Variants in ARHGAP32 observed in about 807,000 individuals in gnomAD.
ARHGAP32 encodes rho GTPase-activating protein 32.
Under a neutral mutation model 186.5 loss-of-function variants are expected in ARHGAP32, and 51 were observed. That is an observed-to-expected ratio of 0.27 (90% CI 0.22 to 0.35). The LOEUF (loss-of-function observed/expected upper bound fraction) is 0.35. ARHGAP32 is among the 10% of genes least tolerant of loss of function. The pLI, the probability that ARHGAP32 is intolerant of heterozygous loss-of-function variation, is 1.00. For synonymous variants in ARHGAP32, 950 were observed against 964.3 expected (o/e 0.99, Z 0.27); for missense variants, 2,186 against 2,623.5 (o/e 0.83, Z 3.64).
rs1944685254 is a variant in ARHGAP32, at chr11:129,219,368, A to AT, written c.-4-54942dup. On this transcript the variant is annotated intron_variant, in intron 1 of 6. Transcript: ENST00000525234. ...AAAAATGGTTATGAATTTACAAAGC[A>AT]TATCTTTTCCTTCCATTCTGTTTTA... 2.6e-5 allele frequency among the ~76,000 whole-genome samples: 4 copies of AT among 152,290 alleles called. No homozygotes were observed. The South Asian group carries it at 8.3e-4, about 32-fold the overall frequency.
intron 2 of ARHGAP32, among the ~76,000 whole-genome samples, chr11:129,162,184 T>C (rs1216417912): frequency 2.6e-5 from 4 of 151,982 alleles, no homozygotes; most frequent in Admixed American, 6.6e-5. Flanking sequence ...TTAGGAGAAA[T>C]ACCTAATGAA....
chr11:128,980,797 A>C, intron 17 of ARHGAP32, 49 bp from the exon 18 acceptor site: 1 of 1,385,030 alleles, frequency 7.2e-7, no homozygotes, highest in Non-Finnish European at 1.0e-6. Context: ...ACGTGAGTGT[A>C]TTCAATTTGT....
rs1455439279 is a variant in ARHGAP32 at position 129,180,916 on chromosome 11, C to G, written c.116+11167G>C. Among the ~76,000 whole-genome samples, 4 of 152,240 alleles carry G rather than the reference C, an allele frequency of 2.6e-5. No individual in the cohort carries two copies. The East Asian group carries it at 5.8e-4, about 22-fold the overall frequency. The stretch of plus-strand genomic sequence containing the variant: ...CCTCACTAAGAAATTATGTAAATAT[C>G]TGTCACATATTCACTTTATTTGTAT... On this transcript the variant is annotated intron_variant, in intron 1 of 22. Coordinates refer to ENST00000682385, the MANE Select transcript of ARHGAP32 (RefSeq NM_001378024.1).
chr11:129,051,757 C>G (rs1940051525), intron 10 of ARHGAP32, among the ~76,000 whole-genome samples: 1 of 151,650 alleles, frequency 6.6e-6, no homozygotes, highest in Non-Finnish European at 1.5e-5. Context: ...GAGATCGAGA[C>G]CATCCTGGCC....
intron 7 of ARHGAP32, among the ~76,000 whole-genome samples, chr11:129,065,347 C>T (rs978006716): frequency 3.9e-5 from 6 of 152,140 alleles, no homozygotes; most frequent in South Asian, 2.1e-4. Context: ...CATGTTCATA[C>T]GTGATCCTAT....
intron 5 of ARHGAP32, among the ~76,000 whole-genome samples, chr11:129,098,551 C>T (rs959888143): frequency 2.6e-5 from 4 of 151,976 alleles, no homozygotes; most frequent in Admixed American, 6.6e-5. Context: ...TCCTGAATAG[C>T]TGGGACTACA....
chr11:129,188,360 T>C (rs1394361091), intron 1 of ARHGAP32, among the ~76,000 whole-genome samples: 2 of 151,928 alleles, frequency 1.3e-5, no homozygotes, highest in East Asian at 3.9e-4. Flanking sequence ...ACAGGCAGAG[T>C]AATAAAAACA....
At chr11:129,107,141 G>A (rs1942069620) in intron 5 of ARHGAP32, among the ~76,000 whole-genome samples, 2 of 152,126 alleles carry the variant, frequency 1.3e-5, no homozygotes, top group Non-Finnish European at 2.9e-5. Flanking sequence ...GAGGCCAAAA[G>A]GTGGAGGGAT....
Position 128,981,431 on chromosome 11 carries a change from T to C in ARHGAP32, c.1765A>G (p.Met589Val), listed in dbSNP as rs1342868554. 1 of 1,606,708 alleles carries C rather than the reference T, an allele frequency of 6.2e-7. No individual in the cohort carries two copies. Among genetic ancestry groups the C allele is most frequent in the South Asian group, 1.1e-5 (1 of 90,468 alleles). The change falls in exon 17 of 23, where the codon ATG becomes GTG. Residue 589 changes from methionine (M) to valine (V), a missense_variant. Coordinates refer to ENST00000682385, the MANE Select transcript of ARHGAP32 (RefSeq NM_001378024.1). ...GGAGCCGTACCTGCCCCCTCTTGCA[T>C]GGCCATGCTGATTCTGCCGCTGAAC... ...VLFSGRISMA[M>V]QEGAASLSRP...
chr11:129,148,891 C>T (rs1380184519), intron 2 of ARHGAP32, among the ~76,000 whole-genome samples: 3 of 152,098 alleles, frequency 2.0e-5, no homozygotes, highest in African/African-American at 7.2e-5. Context: ...TGGAACATAA[C>T]CCCATTGGCC....
intron 1 of ARHGAP32, among the ~76,000 whole-genome samples, chr11:129,238,658 G>A (rs893092766): frequency 6.6e-6 from 1 of 152,030 alleles, no homozygotes; most frequent in Non-Finnish European, 1.5e-5. Flanking sequence ...TGGGAGGACT[G>A]CTTGATCCCA....
intron 1 of ARHGAP32, among the ~76,000 whole-genome samples, chr11:129,210,498 C>G (rs1008913090): frequency 2.6e-5 from 4 of 152,158 alleles, no homozygotes; most frequent in African/African-American, 9.7e-5. Flanking sequence ...TTTAGTTTAT[C>G]TTTGAACAAA....
chr11:129,060,590 C>A (rs1453231698), intron 10 of ARHGAP32, among the ~76,000 whole-genome samples: 4 of 152,022 alleles, frequency 2.6e-5, no homozygotes, highest in African/African-American at 9.7e-5. Context: ...TAATCAAAAG[C>A]ACTTATTCAT....
chr11:129,241,947 G>A (rs907672052), intron 1 of ARHGAP32, among the ~76,000 whole-genome samples: 8 of 152,178 alleles, frequency 5.3e-5, no homozygotes, highest in Non-Finnish European at 7.3e-5. Context: ...AATCCTGGTA[G>A]GGAGGAAGCT....
At chr11:129,153,024 A>C (rs1943322964) in intron 2 of ARHGAP32, among the ~76,000 whole-genome samples, 1 of 152,190 alleles carries the variant, frequency 6.6e-6, no homozygotes, top group Admixed American at 6.5e-5. Context: ...GATCTGATAA[A>C]TAGATTCAGT....
At chr11:128,997,346 C>T (rs1043477343) in intron 12 of ARHGAP32, among the ~76,000 whole-genome samples, 3 of 152,092 alleles carry the variant, frequency 2.0e-5, no homozygotes, top group African/African-American at 7.2e-5. Context: ...CATTAAATTC[C>T]TAAGTCCACT....
chr11:129,257,663 T>C (rs117291846), intron 1 of ARHGAP32, among the ~76,000 whole-genome samples: 1,928 of 150,322 alleles, frequency 0.013, 25 homozygotes, highest in Non-Finnish European at 0.021. Flanking sequence ...GAATAAGTTT[T>C]CTAAATACTC....
In ARHGAP32 at chr11:128,969,342, C is replaced by A. The variant is rs377531423; in HGVS notation, c.5871G>T (p.Arg1957Ser). 1.2e-6 allele frequency: 2 copies of A among 1,614,210 alleles called. No homozygotes were observed. The highest frequency in any genetic ancestry group is 1.7e-5 in the Admixed American group (1 of 60,026). Residue 1957 changes from arginine (R) to serine (S), a missense_variant, in exon 23 of 23, where the codon AGG becomes AGT. Coordinates refer to ENST00000682385, the MANE Select transcript of ARHGAP32 (RefSeq NM_001378024.1). This position sits in a 1 kb window ranked among gnomAD's most constrained non-coding sequence, Gnocchi z 4.8. ...AGGGTCGCTCCATCTCTTTGGAGAGCCTTACCTCTTTGTGGTTCAGTCTTA... is the reference window on the plus strand; with the variant it reads ...AGGGTCGCTCCATCTCTTTGGAGAGACTTACCTCTTTGTGGTTCAGTCTTA... Reference protein sequence around the residue: ...ESLRLNHKEVRLSKEMERPWV... With the variant: ...ESLRLNHKEVSLSKEMERPWV...
At chr11:129,129,264 C>A (rs1942748901) in intron 2 of ARHGAP32, among the ~76,000 whole-genome samples, 1 of 143,616 alleles carries the variant, frequency 7.0e-6, no homozygotes, top group African/African-American at 2.5e-5. Flanking sequence ...GGAGCCCCTC[C>A]ACCCGGCAGC....
Sources: allele counts gnomAD v4.1 joint callset (sites outside exome capture counted in the v4.1 genomes callset), GRCh38; gene constraint gnomAD v4.1.1; non-coding constraint Gnocchi (gnomAD v3.1); transcripts MANE v1.5; gene names NCBI Gene and HGNC (gene_info 2026-07-23, HGNC 2026-07-21).